The following SDCBP variants were observed in gnomAD, a reference collection of about 807,000 sequenced individuals.
SDCBP encodes syntenin-1.
Under a neutral mutation model 30.5 loss-of-function variants are expected in SDCBP, and 22 were observed. That is an observed-to-expected ratio of 0.72 (90% confidence interval 0.52 to 1.03). SDCBP has a LOEUF of 1.03. Among genes scored for constraint, SDCBP ranks in the 50% least tolerant of loss-of-function variants. SDCBP has a pLI of 0.00. For synonymous variants in SDCBP, 103 were observed against 118.7 expected (o/e 0.87, Z 0.86); for missense variants, 304 against 369.9 (o/e 0.82, Z 1.46).
In SDCBP at chr8:58,570,892, A is replaced by C. The variant is rs747056959; in HGVS notation, c.57A>C (p.Gln19His). Reference protein sequence around the residue: ...DLKVDKVIQAQTAFSANPANP... With the variant: ...DLKVDKVIQAHTAFSANPANP... ...TTTCTTCTTTTCTTTTTCAGGCTCA[A>C]ACTGCTTTTTCTGCAAACCCTGCCA... The change falls in exon 3 of 9, where the codon CAA becomes CAC. Residue 19 changes from glutamine to histidine, a missense_variant. Coordinates refer to ENST00000260130, the MANE Select transcript of SDCBP (RefSeq NM_005625.4). The C allele has an allele frequency of 6.2e-7, 1 of 1,612,652 alleles. No homozygotes were observed. Among genetic ancestry groups the C allele is most frequent in the East Asian group, 2.2e-5 (1 of 44,802 alleles).
rs1805428625 is a variant in SDCBP, at chr8:58,577,800, T to C, written c.403-233T>C. Among the ~76,000 whole-genome samples the C allele has an allele frequency of 2.6e-5, 4 of 152,230 alleles. No individual in the cohort carries two copies. In the South Asian group the frequency reaches 6.2e-4, roughly 24 times the overall value. ...TCATGATTTGGTATAGAAATTGCCA[T>C]TGAAATCTCACTTTTTTGCCTTATT... On this transcript the variant is annotated intron_variant, in intron 5 of 8. Transcript: ENST00000260130.
rs1299555886 is a variant in SDCBP, at chr8:58,579,677, TA to T, written c.634del (p.Ile212SerfsTer7). 2 of 1,611,858 alleles carry T rather than the reference TA, an allele frequency of 1.2e-6. No individual in the cohort carries two copies. The highest frequency in any genetic ancestry group is 4.5e-5 in the East Asian group (2 of 44,866). On this transcript the variant is annotated frameshift_variant, in exon 7 of 9. Transcript: ENST00000260130. LOFTEE classifies it high-confidence loss of function. ...AGGATAGCACTGGACATGTTGGTTT[TA>T]TCTTTAAAAATGGAAAAATAACATC... Reference protein sequence around the residue: ...HKDSTGHVGFIFKNGKITSIV... With the variant: ...HKDSTGHVGFXFKNGKITSIV...
At chr8:58,576,315 C>A in intron 5 of SDCBP, 1 of 337,330 alleles carries the variant, frequency 3.0e-6, no homozygotes, top group African/African-American at 2.1e-5. Flanking sequence ...ATTTCACTGG[C>A]CTACATATAT....
intron 2 of SDCBP, among the ~76,000 whole-genome samples, chr8:58,568,513 G>T (rs1234039758): frequency 6.6e-6 from 1 of 152,060 alleles, no homozygotes; most frequent in Non-Finnish European, 1.5e-5. Context: ...GTATAACACA[G>T]GAAATACATA....
chr8:58,582,077 T>C lies in SDCBP; in HGVS notation c.*337T>C, dbSNP rs1181322503. The C allele has an allele frequency of 7.2e-6, 2 of 278,336 alleles. No individual in the cohort carries two copies. The highest frequency in any genetic ancestry group is 1.4e-5 in the Non-Finnish European group (2 of 145,552). The allele number at this position is 278,336 out of a possible 1,614,324, so 17.2% of individuals were successfully genotyped here. On this transcript the variant is annotated 3_prime_UTR_variant, in exon 9 of 9. Transcript: ENST00000260130. The stretch of plus-strand genomic sequence containing the variant: ...TAGCTTTGTGTGAAAACCAGTCACC[T>C]TTCTCCTAGGTAATGAGTAGTGCTG...
intron 1 of SDCBP, among the ~76,000 whole-genome samples, chr8:58,563,396 G>C (rs961921576): frequency 4.6e-5 from 7 of 152,150 alleles, no homozygotes; most frequent in Non-Finnish European, 1.0e-4. Flanking sequence ...GCGGGAAAGT[G>C]TATGTTGCCT....
rs190601179 is a variant in SDCBP, at chr8:58,582,426, T to C, written c.*686T>C. On this transcript the variant is annotated 3_prime_UTR_variant, in exon 9 of 9. Transcript: ENST00000260130. ...AATGTAGTTCTCTATTAACCTGAAA[T>C]GTACACTAGCCCAGAACAGTTTAAT... is the stretch of plus-strand genomic sequence containing the variant. 6.5e-6 allele frequency: 1 copy of C among 152,794 alleles called. No homozygotes were observed. Among genetic ancestry groups the C allele is most frequent in the Non-Finnish European group, 1.5e-5 (1 of 68,082 alleles). 9.5% of individuals were successfully genotyped at this position (152,794 alleles called of 1,614,324 possible).
chr8:58,569,245 T>C (rs549821130), intron 2 of SDCBP, among the ~76,000 whole-genome samples: 2 of 152,324 alleles, frequency 1.3e-5, no homozygotes, highest in Admixed American at 1.3e-4. Context: ...GGTTTTGCCA[T>C]GTTGGCCATG....
chr8:58,556,283 A>G (rs6471731), intron 1 of SDCBP, among the ~76,000 whole-genome samples: 61,028 of 151,860 alleles, frequency 0.4, 13,084 homozygotes, highest in East Asian at 0.55. Flanking sequence ...TGCATGCACA[A>G]TTCACAATAG....
chr8:58,568,790 A>G (rs1173549510), intron 2 of SDCBP, among the ~76,000 whole-genome samples: 1 of 152,190 alleles, frequency 6.6e-6, no homozygotes, highest in East Asian at 1.9e-4. Context: ...ATACCATTGT[A>G]GCATTAGACA....
intron 6 of SDCBP, among the ~76,000 whole-genome samples, chr8:58,579,057 C>T (rs115303893): frequency 0.011 from 1,657 of 152,284 alleles, 40 homozygotes; most frequent in African/African-American, 0.038. Flanking sequence ...TCTAGAGGGA[C>T]AGCTGGATGC....
At chr8:58,569,104 C>T (rs62511968) in intron 2 of SDCBP, among the ~76,000 whole-genome samples, 17,531 of 152,044 alleles carry the variant, frequency 0.12, 1,260 homozygotes, top group Middle Eastern at 0.21. Flanking sequence ...TGCAGTGGTG[C>T]GATCTTGGCT....
chr8:58,578,489 T>G, intron 6 of SDCBP: 1 of 243,494 alleles, frequency 4.1e-6, no homozygotes, highest in South Asian at 7.8e-5. Context: ...TGGGCTCACT[T>G]TCCAACTTAC....
At chr8:58,573,917 T>G (rs1805181656) in intron 4 of SDCBP, among the ~76,000 whole-genome samples, 1 of 152,188 alleles carries the variant, frequency 6.6e-6, no homozygotes, top group African/African-American at 2.4e-5. Flanking sequence ...AACTTTATAG[T>G]TTCTCCTTGA....
chr8:58,578,082 G>A lies in SDCBP; in HGVS notation c.452G>A (p.Gly151Asp). ...GCTAATTCTCCAGCCTCATTGGTTG[G>A]TCTGAGATTTGGGGACCAAGTACTT... is the stretch of plus-strand genomic sequence containing the variant. Reference protein sequence around the residue: ...VQANSPASLVGLRFGDQVLQI... With the variant: ...VQANSPASLVDLRFGDQVLQI... Residue 151 changes from glycine (G) to aspartate (D), a missense_variant, in exon 6 of 9, where the codon GGT becomes GAT. By Grantham distance (94) the Gly-to-Asp change is moderately conservative. Coordinates refer to ENST00000260130, the MANE Select transcript of SDCBP (RefSeq NM_005625.4). The A allele has an allele frequency of 6.2e-7, 1 of 1,613,812 alleles. No homozygotes were observed. The highest frequency in any genetic ancestry group is 1.1e-5 in the South Asian group (1 of 91,064).
At chr8:58,575,118 A>G (rs1479172763) in intron 4 of SDCBP, among the ~76,000 whole-genome samples, 2 of 152,168 alleles carry the variant, frequency 1.3e-5, no homozygotes, top group African/African-American at 4.8e-5. Context: ...TGGGACCCAG[A>G]CAGTACTTGT....
intron 1 of SDCBP, among the ~76,000 whole-genome samples, chr8:58,559,075 A>AT (rs1039016637): frequency 6.6e-6 from 1 of 152,198 alleles, no homozygotes; most frequent in Non-Finnish European, 1.5e-5. Context: ...AATATTTGTT[A>AT]TTTAAAAAAA....
At chr8:58,573,298 T>G (rs141627729) in intron 4 of SDCBP, among the ~76,000 whole-genome samples, 1 of 152,214 alleles carries the variant, frequency 6.6e-6, no homozygotes, top group Non-Finnish European at 1.5e-5. Flanking sequence ...CCAATGCATA[T>G]ACAGTACCTG....
rs1451570564 is a variant in SDCBP at position 58,580,619 on chromosome 8, A to T, written c.842+11A>T. 7.5e-7 allele frequency: 1 copy of T among 1,332,668 alleles called. No homozygotes were observed. The highest frequency in any genetic ancestry group is 2.3e-5 in the East Asian group (1 of 43,424). The allele number at this position is 1,332,668 out of a possible 1,614,324, so 82.6% of individuals were successfully genotyped here. ...ACATATTATTAAGCGGTAAGTAAAC[A>T]ATTCCTCAACTTAATGCATATGGTC... On this transcript the variant is annotated intron_variant, in intron 8 of 8. Coordinates refer to ENST00000260130, the MANE Select transcript of SDCBP (RefSeq NM_005625.4).
Sources: gnomAD v4.1 joint callset for allele counts (sites outside exome capture counted in the v4.1 genomes callset) on GRCh38, gnomAD v4.1.1 for gene constraint, MANE v1.5 for transcripts, NCBI Gene and HGNC (gene_info 2026-07-23, HGNC 2026-07-21) for gene names.